DNAAF9: variants seen among roughly 807,000 people sequenced by gnomAD.
The protein encoded by DNAAF9 is shulin.
Under a neutral mutation model 167.0 loss-of-function variants are expected in DNAAF9, and 90 were observed. The ratio of observed to expected loss-of-function variants is 0.54; its 90% CI spans 0.45 to 0.64. The LOEUF is 0.64. Ranked by LOEUF, DNAAF9 falls within the 30% of genes least tolerant of loss-of-function variation. The pLI is 0.00. For missense variants in DNAAF9, 1,315 were observed against 1,442.2 expected (o/e 0.91, Z 1.43); for synonymous variants, 491 against 508.8 (o/e 0.96, Z 0.47).
intron 20 of DNAAF9, chr20:3,307,231 G>C (rs1255828344): frequency 2.4e-6 from 2 of 818,270 alleles, no homozygotes; most frequent in Non-Finnish European, 3.0e-6. Context: ...TCACAAGACA[G>C]TGCTGGAAGA....
intron 12 of DNAAF9, among the ~76,000 whole-genome samples, chr20:3,327,368 G>T (rs1462210040): frequency 1.3e-5 from 2 of 152,078 alleles, no homozygotes; most frequent in South Asian, 4.1e-4. Flanking sequence ...TCCTGGGAGT[G>T]GGGAAAGATG....
Position 3,315,270 on chromosome 20 carries a change from G to A in DNAAF9, c.1591-150C>T. The A allele has an allele frequency of 1.6e-6, 1 of 618,802 alleles. No individual in the cohort carries two copies. The highest frequency in any genetic ancestry group is 2.7e-5 in the East Asian group (1 of 37,204). 38.3% of individuals were successfully genotyped at this position (618,802 alleles called of 1,614,324 possible). A position where few individuals can be genotyped will look rare whatever the true frequency, so the allele number is the denominator to read the frequency against. On this transcript the variant is annotated intron_variant, in intron 19 of 36. Transcript: ENST00000252032. The surrounding 1 kb of genome is among the most constrained non-coding windows in gnomAD (Gnocchi z 4.1). The stretch of plus-strand genomic sequence containing the variant: ...TGCCCAATGTATTCCATGGCCTTTG[G>A]CATTGTCTGGCTCTTTGGCAGTTAC...
At chr20:3,283,476 A>G (rs2068796709) in intron 27 of DNAAF9, among the ~76,000 whole-genome samples, 1 of 152,170 alleles carries the variant, frequency 6.6e-6, no homozygotes, top group African/African-American at 2.4e-5. Context: ...CCCTCTGCTC[A>G]CAGCCTTCTC....
intron 28 of DNAAF9, 117 bp downstream of exon 28, chr20:3,281,524 A>G: frequency 1.0e-6 from 1 of 958,522 alleles, no homozygotes; most frequent in South Asian, 2.0e-5. Context: ...TAGCACTAAT[A>G]AAAGAACAGC....
intron 29 of DNAAF9, among the ~76,000 whole-genome samples, chr20:3,271,940 A>C (rs564343877): frequency 2.6e-5 from 4 of 152,100 alleles, no homozygotes; most frequent in African/African-American, 4.8e-5. Context: ...TATCGTAGAA[A>C]ATTTCAAACA....
At chr20:3,395,287 CTT>C (rs771147934) in intron 1 of DNAAF9, among the ~76,000 whole-genome samples, 1 of 139,782 alleles carries the variant, frequency 7.2e-6, no homozygotes, top group Non-Finnish European at 1.6e-5. Context: ...TTTCTTTTTT[CTT>C]TTTTTTTTTC....
At chr20:3,347,053 C>T (rs1487115938) in intron 8 of DNAAF9, among the ~76,000 whole-genome samples, 1 of 151,910 alleles carries the variant, frequency 6.6e-6, no homozygotes, top group Non-Finnish European at 1.5e-5. Flanking sequence ...AAGAAAACTA[C>T]AGCAAGACAT....
At chr20:3,301,457 G>T (rs2069188104) in intron 21 of DNAAF9, among the ~76,000 whole-genome samples, 1 of 152,160 alleles carries the variant, frequency 6.6e-6, no homozygotes, top group African/African-American at 2.4e-5. Flanking sequence ...CAAAGTGCTA[G>T]GATTACAGGC....
chr20:3,350,076 T>A (rs982966900), intron 7 of DNAAF9, among the ~76,000 whole-genome samples: 1 of 151,558 alleles, frequency 6.6e-6, no homozygotes, highest in African/African-American at 2.4e-5. Flanking sequence ...AAGGCAACAC[T>A]GCTGGGAAGA....
intron 7 of DNAAF9, among the ~76,000 whole-genome samples, chr20:3,353,608 A>AC (rs2070368617): frequency 6.8e-6 from 1 of 146,516 alleles, no homozygotes; most frequent in African/African-American, 2.5e-5. Context: ...AGCCTGGGTA[A>AC]TAGAGTGAGA....
chr20:3,277,927 C>T (rs1186471898), intron 29 of DNAAF9, among the ~76,000 whole-genome samples: 3 of 152,184 alleles, frequency 2.0e-5, no homozygotes, highest in African/African-American at 7.2e-5. Context: ...TGCGGACTGG[C>T]AATACGATCA....
At chr20:3,308,343 T>TTC (rs1263884255) in intron 20 of DNAAF9, among the ~76,000 whole-genome samples, 1 of 28,102 alleles carries the variant, frequency 3.6e-5, no homozygotes, top group East Asian at 1.0e-3. Flanking sequence ...AAACTTTACT[T>TTC]TTTTTTTTTT....
chr20:3,279,909 A>C (rs2068737592), intron 28 of DNAAF9, among the ~76,000 whole-genome samples: 1 of 152,216 alleles, frequency 6.6e-6, no homozygotes, highest in African/African-American at 2.4e-5. Flanking sequence ...TCTAGCTGGC[A>C]GTTATTAATG....
Position 3,376,269 on chromosome 20 carries a change from T to C in DNAAF9, c.317A>G (p.His106Arg). ...AAAGTTTACAGGATTACAGTACAGA[T>C]GGACGCTATCCGATTTAATCAATAT... ...VIILIKSDSV[H>R]LYCNPVNFRY... Residue 106 changes from histidine (H) to arginine (R), a missense_variant, in exon 4 of 37, where the codon CAT becomes CGT. His to Arg is a conservative substitution (Grantham distance 29, BLOSUM62 0). Transcript: ENST00000252032. 1.9e-6 allele frequency: 3 copies of C among 1,612,592 alleles called. No homozygotes were observed. The highest frequency in any genetic ancestry group is 2.2e-5 in the East Asian group (1 of 44,850).
chr20:3,304,617 A>G (rs1256832216), intron 20 of DNAAF9, 74 bp from the exon 21 acceptor site: 2 of 737,914 alleles, frequency 2.7e-6, no homozygotes, highest in Non-Finnish European at 4.9e-6. Flanking sequence ...CCTCTTGTAC[A>G]GCAGTGTGGT....
chr20:3,367,107 T>C (rs1351015289), intron 6 of DNAAF9, among the ~76,000 whole-genome samples: 1 of 152,256 alleles, frequency 6.6e-6, no homozygotes, highest in Non-Finnish European at 1.5e-5. Flanking sequence ...CAGCACTTAC[T>C]GCTTCATCTT....
At chr20:3,293,292 CAAAAAAA>C (rs1172725572) in intron 25 of DNAAF9, among the ~76,000 whole-genome samples, 406 of 22,822 alleles carry the variant, frequency 0.018, no homozygotes, top group Middle Eastern at 0.045. Flanking sequence ...GACTCCGTCT[CAAAAAAA>C]AAAAAAAAAA....
intron 3 of DNAAF9, among the ~76,000 whole-genome samples, chr20:3,376,566 A>G (rs2083578241): frequency 6.6e-6 from 1 of 152,236 alleles, no homozygotes. Flanking sequence ...CATGTACCCA[A>G]AATGGCTGGA....
Position 3,318,317 on chromosome 20 carries a change from C to A in DNAAF9, c.1440G>T (p.Leu480Phe). ...LGSVVFSESFLTSQILVKEKD... is the reference protein window; with the variant it reads ...LGSVVFSESFFTSQILVKEKD... The stretch of plus-strand genomic sequence containing the variant: ...TTTCTTTAACTAAGATCTGAGAAGT[C>A]AAAAATGATTCAGAGAAAACCACAG... Residue 480 changes from leucine (L) to phenylalanine (F), a missense_variant, in exon 17 of 37, where the codon TTG becomes TTT. Around this residue, in one of 2 missense-constraint regions of DNAAF9, gnomAD observed 981 missense variants for 1,012.5 expected, o/e 0.97. Coordinates refer to ENST00000252032, the MANE Select transcript of DNAAF9 (RefSeq NM_001009984.3). 1.3e-6 allele frequency: 2 copies of A among 1,576,468 alleles called. No homozygotes were observed. The highest frequency in any genetic ancestry group is 2.2e-5 in the South Asian group (2 of 90,224).
Sources: gnomAD v4.1 joint callset for allele counts (sites outside exome capture counted in the v4.1 genomes callset) on GRCh38, gnomAD v4.1.1 for gene constraint, gnomAD v4.1.1 regional missense constraint, Gnocchi (gnomAD v3.1) non-coding constraint, MANE v1.5 for transcripts, NCBI Gene and HGNC (gene_info 2026-07-23, HGNC 2026-07-21) for gene names.